SPOCK3: variants seen among roughly 807,000 people sequenced by gnomAD.
SPOCK3 encodes testican-3.
SPOCK3 carries 30 observed loss-of-function variants against 56.6 expected under a neutral mutation model. The observed-to-expected ratio is 0.53, with a 90% CI of 0.40 to 0.72. The LOEUF (loss-of-function observed/expected upper bound fraction) is 0.72, where lower values mean the gene tolerates loss of function less well. Among genes scored for constraint, SPOCK3 ranks in the 30% least tolerant of loss-of-function variants. The pLI is 0.00. For synonymous variants in SPOCK3, 196 were observed against 183.3 expected, an observed-to-expected ratio of 1.07 and a Z score of -0.56; for missense variants, 527 against 530.0, an observed-to-expected ratio of 0.99 and a Z score of 0.06.
chr4:167,220,654 G>A (rs960716157), intron 2 of SPOCK3, among the ~76,000 whole-genome samples: 2 of 151,454 alleles, frequency 1.3e-5, no homozygotes, highest in Non-Finnish European at 2.9e-5. Context: ...TGGAAGTTCT[G>A]GAATTAACAG....
At chr4:166,920,091 C>A (rs1037150853) in intron 4 of SPOCK3, among the ~76,000 whole-genome samples, 1 of 152,202 alleles carries the variant, frequency 6.6e-6, no homozygotes, top group East Asian at 1.9e-4. Flanking sequence ...GTCTCTGGTG[C>A]GTACAATTCA....
intron 2 of SPOCK3, among the ~76,000 whole-genome samples, chr4:167,069,657 T>G (rs2150262583): frequency 6.6e-6 from 1 of 152,028 alleles, no homozygotes; most frequent in South Asian, 2.1e-4. Context: ...CAGTGCATCT[T>G]CGGATACACA....
chr4:166,785,805 T>C (rs530821843), intron 7 of SPOCK3, among the ~76,000 whole-genome samples: 19 of 152,266 alleles, frequency 1.2e-4, no homozygotes, highest in Non-Finnish European at 2.1e-4. Flanking sequence ...GTAGCAAATA[T>C]AAGCAAGCAG....
intron 5 of SPOCK3, among the ~76,000 whole-genome samples, chr4:166,904,266 G>C (rs930981910): frequency 5.3e-5 from 8 of 151,936 alleles, no homozygotes; most frequent in Admixed American, 3.3e-4. Context: ...ATATCTTATA[G>C]CATTGTTAAA....
At chr4:166,987,825 G>C (rs1747332022) in intron 4 of SPOCK3, among the ~76,000 whole-genome samples, 1 of 152,008 alleles carries the variant, frequency 6.6e-6, no homozygotes, top group Admixed American at 6.6e-5. Flanking sequence ...ATGTGTGGTA[G>C]GTGGAAAAGC....
chr4:167,085,652 T>C (rs917438313), intron 2 of SPOCK3, among the ~76,000 whole-genome samples: 1 of 152,094 alleles, frequency 6.6e-6, no homozygotes, highest in Non-Finnish European at 1.5e-5. Flanking sequence ...TAAATATACA[T>C]TCTAGGAATG....
intron 2 of SPOCK3, among the ~76,000 whole-genome samples, chr4:167,176,063 T>A (rs1730955963): frequency 1.3e-5 from 2 of 152,046 alleles, no homozygotes; most frequent in Admixed American, 1.3e-4. Context: ...CTTTTTTTAG[T>A]TTCTAGAGGT....
At chr4:167,182,604 A>G (rs1731580177) in intron 2 of SPOCK3, among the ~76,000 whole-genome samples, 1 of 151,942 alleles carries the variant, frequency 6.6e-6, no homozygotes, top group African/African-American at 2.4e-5. Context: ...TAGTGGTGCA[A>G]TCTTAGCTTA....
At chr4:167,073,141 C>CA (rs1298534098) in intron 2 of SPOCK3, among the ~76,000 whole-genome samples, 1 of 151,486 alleles carries the variant, frequency 6.6e-6, no homozygotes, top group African/African-American at 2.4e-5. Flanking sequence ...CATAATTTTA[C>CA]ATTTGATATT....
At chr4:167,110,051 T>G (rs1760769964) in intron 2 of SPOCK3, among the ~76,000 whole-genome samples, 1 of 152,016 alleles carries the variant, frequency 6.6e-6, no homozygotes, top group Admixed American at 6.6e-5. Context: ...GGGTAAAGCA[T>G]AATTCTTTAA....
chr4:166,813,285 G>T (rs1298434800), intron 6 of SPOCK3, among the ~76,000 whole-genome samples: 2 of 151,924 alleles, frequency 1.3e-5, no homozygotes, highest in African/African-American at 4.8e-5. Flanking sequence ...TTTAGAAAGG[G>T]TCTGCAGCGT....
chr4:167,100,423 T>C (rs1411194077), intron 2 of SPOCK3, among the ~76,000 whole-genome samples: 4 of 150,696 alleles, frequency 2.7e-5, no homozygotes, highest in African/African-American at 9.8e-5. Flanking sequence ...CTCTCTCTCT[T>C]CTCTCTTTCT....
intron 2 of SPOCK3, among the ~76,000 whole-genome samples, chr4:167,166,487 GA>G (rs1459572974): frequency 1.3e-5 from 2 of 152,034 alleles, no homozygotes; most frequent in East Asian, 3.9e-4. Flanking sequence ...TCAAGAGCAG[GA>G]AAATGTTGAA....
chr4:167,007,321 C>T (rs972626604), intron 3 of SPOCK3, among the ~76,000 whole-genome samples: 4 of 152,162 alleles, frequency 2.6e-5, no homozygotes, highest in Admixed American at 1.3e-4. Context: ...AATCTACACA[C>T]ATCCTCTTGT....
chr4:166,967,986 C>T (rs939559170), intron 4 of SPOCK3, among the ~76,000 whole-genome samples: 5 of 152,182 alleles, frequency 3.3e-5, no homozygotes, highest in South Asian at 2.1e-4. Context: ...AAAGATCACT[C>T]TTGCTGTGCT....
intron 6 of SPOCK3, among the ~76,000 whole-genome samples, chr4:166,839,499 C>A (rs975696576): frequency 6.6e-6 from 1 of 152,040 alleles, no homozygotes; most frequent in Non-Finnish European, 1.5e-5. Context: ...GCAAAAAAGG[C>A]TGTCACTAAG....
chr4:167,227,481 A>C (rs1001026244), intron 2 of SPOCK3, among the ~76,000 whole-genome samples: 1 of 152,106 alleles, frequency 6.6e-6, no homozygotes, highest in Non-Finnish European at 1.5e-5. Flanking sequence ...TTCTAGTGAT[A>C]ACTCTGAGAC....
rs184054471 is a variant in SPOCK3 at position 166,925,506 on chromosome 4, G to T, written c.351-12763C>A. On this transcript the variant is annotated intron_variant, in intron 4 of 10. Transcript: ENST00000357545. ...TGTGTGATACCATTGAAATTTGGGG[G>T]TAAATTTGTTATAGCATTATGATAA... Among the ~76,000 whole-genome samples, 4 of 152,142 alleles carry T rather than the reference G, an allele frequency of 2.6e-5. No individual in the cohort carries two copies. The South Asian group carries it at 6.2e-4, about 24-fold the overall frequency.
At chr4:166,868,885 A>G (rs969750181) in intron 6 of SPOCK3, among the ~76,000 whole-genome samples, 1 of 152,094 alleles carries the variant, frequency 6.6e-6, no homozygotes, top group African/African-American at 2.4e-5. Flanking sequence ...TTTCTATGCT[A>G]TGATGTACTA....
Sources: gnomAD v4.1 joint callset for allele counts (sites outside exome capture counted in the v4.1 genomes callset) on GRCh38, gnomAD v4.1.1 for gene constraint, MANE v1.5 for transcripts, NCBI Gene and HGNC (gene_info 2026-07-23, HGNC 2026-07-21) for gene names.